Variants in NSFL1C observed in about 807,000 individuals in gnomAD.
NSFL1C encodes NSFL1 cofactor p47.
A neutral mutation model predicts 43.1 loss-of-function variants in NSFL1C; 14 were observed. The observed-to-expected ratio is 0.32, with a 90% CI of 0.21 to 0.51. The LOEUF is 0.51. NSFL1C is among the 20% of genes least tolerant of loss of function. The pLI, the probability that NSFL1C is intolerant of heterozygous loss-of-function variation, is 0.98. For synonymous variants in NSFL1C, 171 were observed against 183.5 expected (o/e 0.93, Z 0.55); for missense variants, 406 against 472.5 (o/e 0.86, Z 1.30).
chr20:1,455,686 G>A (rs1170496710), intron 3 of NSFL1C: 2 of 779,576 alleles, frequency 2.6e-6, no homozygotes, highest in Admixed American at 3.4e-5. Context: ...CTTTGAAACG[G>A]GAGGGAAGGA....
At chr20:1,457,059 T>C (rs1027565130) in intron 3 of NSFL1C, 2 of 152,392 alleles carry the variant, frequency 1.3e-5, no homozygotes, top group Non-Finnish European at 2.9e-5. Context: ...TTTTTCATTA[T>C]ACTAGTCTGT....
At chr20:1,445,636 G>C in intron 8 of NSFL1C, 30 bp downstream of exon 8, 1 of 1,610,150 alleles carries the variant, frequency 6.2e-7, no homozygotes, top group South Asian at 1.1e-5. Flanking sequence ...GACACTCCTA[G>C]AATAAGCTAG....
At chr20:1,446,899 T>C (rs1338560557) in intron 7 of NSFL1C, among the ~76,000 whole-genome samples, 1 of 152,186 alleles carries the variant, frequency 6.6e-6, no homozygotes, top group Non-Finnish European at 1.5e-5. Context: ...AAAATGGTAC[T>C]GAGAGCAAAT....
chr20:1,460,288 G>C (rs2090384539), intron 2 of NSFL1C, among the ~76,000 whole-genome samples: 1 of 152,144 alleles, frequency 6.6e-6, no homozygotes, highest in Admixed American at 6.6e-5. Flanking sequence ...CAGCATTACA[G>C]TGAACCTGTC....
intron 8 of NSFL1C, among the ~76,000 whole-genome samples, chr20:1,444,883 G>C (rs1486896309): frequency 2.0e-5 from 3 of 152,222 alleles, no homozygotes; most frequent in African/African-American, 7.2e-5. Context: ...ATAGGCTCTA[G>C]ATGCACCTGG....
At position 1,466,801 on chromosome 20, in the gene NSFL1C, C is replaced by T. The variant is rs1568634563; in HGVS notation, c.24G>A (p.Ala8=). ...CCGTCACCGCCACGAACTCCCTCAG[C>T]GCCTCCTGTCGCTCCGCCGCCATCT... is the stretch of plus-strand genomic sequence containing the variant. The part of the protein sequence containing the change: MAAERQE[A]LREFVAVTGA... Residue 8 remains alanine, a synonymous_variant, in exon 1 of 9, where the codon GCG becomes GCA. Transcript: ENST00000216879. The T allele has an allele frequency of 4.5e-6, 7 of 1,551,258 alleles. No individual in the cohort carries two copies.
At chr20:1,451,346 T>C (rs2090177121) in intron 7 of NSFL1C, among the ~76,000 whole-genome samples, 2 of 152,280 alleles carry the variant, frequency 1.3e-5, no homozygotes, top group South Asian at 2.1e-4. Flanking sequence ...TCAGAGGGCA[T>C]GGTTGTTGGA....
chr20:1,466,426 C>G (rs1756944872), intron 1 of NSFL1C, among the ~76,000 whole-genome samples: 2 of 152,212 alleles, frequency 1.3e-5, no homozygotes, highest in African/African-American at 4.8e-5. Flanking sequence ...AGCCACGCCC[C>G]CAGGCGCTCC....
intron 2 of NSFL1C, among the ~76,000 whole-genome samples, chr20:1,461,670 A>C (rs567169111): frequency 6.6e-6 from 1 of 152,250 alleles, no homozygotes; most frequent in Non-Finnish European, 1.5e-5. Flanking sequence ...TGAATGTAGA[A>C]AACAGCCCTA....
intron 1 of NSFL1C, among the ~76,000 whole-genome samples, chr20:1,465,730 C>T (rs1434565587): frequency 1.3e-5 from 2 of 152,162 alleles, no homozygotes; most frequent in African/African-American, 4.8e-5. Flanking sequence ...TTGCTAGGAT[C>T]CAACGAATCA....
chr20:1,458,148 T>C (rs751963472), intron 3 of NSFL1C, 52 bp downstream of exon 3: 12 of 1,397,400 alleles, frequency 8.6e-6, no homozygotes, highest in South Asian at 2.3e-5. Context: ...ATTTACACAT[T>C]ACCCTGGACT....
chr20:1,457,177 G>GT (rs1412985805), intron 3 of NSFL1C: 3 of 152,104 alleles, frequency 2.0e-5, no homozygotes, highest in Non-Finnish European at 4.4e-5. Context: ...CTATTATTCT[G>GT]TTTTTTACAT....
At chr20:1,445,175 T>G (rs1324123878) in intron 8 of NSFL1C, among the ~76,000 whole-genome samples, 1 of 152,198 alleles carries the variant, frequency 6.6e-6, no homozygotes, top group Non-Finnish European at 1.5e-5. Flanking sequence ...GTCTGAGATG[T>G]GGAGCAGGCA....
chr20:1,448,525 A>T (rs963051974), intron 7 of NSFL1C, among the ~76,000 whole-genome samples: 7 of 152,150 alleles, frequency 4.6e-5, no homozygotes, highest in Non-Finnish European at 1.0e-4. Context: ...ACTGGAAGAG[A>T]TGAGGAAAGC....
intron 2 of NSFL1C, 67 bp from the exon 3 acceptor site, chr20:1,458,341 T>G: frequency 7.4e-7 from 1 of 1,356,718 alleles, no homozygotes; most frequent in Non-Finnish European, 1.1e-6. Context: ...CATCACCAGC[T>G]GCTAAGGAGG....
chr20:1,462,765 C>T (rs553718799), intron 2 of NSFL1C, among the ~76,000 whole-genome samples: 4 of 152,210 alleles, frequency 2.6e-5, no homozygotes, highest in African/African-American at 9.6e-5. Flanking sequence ...CCTCGTGATC[C>T]ACCAGTCTCG....
intron 2 of NSFL1C, chr20:1,463,223 C>T (rs1421501414): frequency 6.6e-6 from 1 of 152,148 alleles, no homozygotes; most frequent in African/African-American, 2.4e-5. Flanking sequence ...AATCTCTCCC[C>T]CTCTATAATT....
chr20:1,459,202 C>G (rs183632785), intron 2 of NSFL1C, among the ~76,000 whole-genome samples: 62 of 152,178 alleles, frequency 4.1e-4, no homozygotes, highest in South Asian at 8.3e-4. Flanking sequence ...AATTGTAATT[C>G]CCAGTGTTGG....
At chr20:1,457,274 A>G (rs1287555357) in intron 3 of NSFL1C, among the ~76,000 whole-genome samples, 1 of 152,210 alleles carries the variant, frequency 6.6e-6, no homozygotes, top group East Asian at 1.9e-4. Context: ...AATATAATGA[A>G]TAACTTTTTC....
Sources: allele counts gnomAD v4.1 joint callset (sites outside exome capture counted in the v4.1 genomes callset), GRCh38; gene constraint gnomAD v4.1.1; transcripts MANE v1.5; gene names NCBI Gene and HGNC (gene_info 2026-07-23, HGNC 2026-07-21).